The following LRP11 variants were observed in gnomAD, a reference collection of about 807,000 sequenced individuals.
The protein encoded by LRP11 is LDL receptor related protein 11.
In LRP11, 25 loss-of-function variants were observed where a neutral mutation model predicts 43.1. The ratio of observed to expected loss-of-function variants is 0.58; its 90% CI spans 0.42 to 0.81. LRP11 has a LOEUF of 0.81. Among genes scored for constraint, LRP11 ranks in the 30% least tolerant of loss-of-function variants. The pLI, the probability that LRP11 is intolerant of heterozygous loss-of-function variation, is 0.00. For missense variants in LRP11, 623 were observed against 665.1 expected, an observed-to-expected ratio of 0.94 and a Z score of 0.70; for synonymous variants, 316 against 299.4, an observed-to-expected ratio of 1.06 and a Z score of -0.57.
intron 4 of LRP11, among the ~76,000 whole-genome samples, chr6:149,836,834 G>GAAAAA (rs3036662): frequency 3.3e-5 from 5 of 151,020 alleles, no homozygotes; most frequent in African/African-American, 7.3e-5. Flanking sequence ...AGAAAGAAAA[G>GAAAAA]AAAAAAGAAA....
intron 6 of LRP11, among the ~76,000 whole-genome samples, 167 bp from the exon 7 acceptor site, chr6:149,820,870 G>C (rs1464700395): frequency 6.6e-6 from 1 of 150,626 alleles, no homozygotes; most frequent in Non-Finnish European, 1.5e-5. Flanking sequence ...CCAAGGTTAA[G>C]TAATTTGCTT....
intron 2 of LRP11, among the ~76,000 whole-genome samples, chr6:149,844,565 A>C (rs2115395667): frequency 6.6e-6 from 1 of 152,326 alleles, no homozygotes; most frequent in Non-Finnish European, 1.5e-5. Flanking sequence ...CTGTTTTTCC[A>C]GCTCTCCTAA....
chr6:149,836,648 C>T (rs992102543), intron 4 of LRP11, among the ~76,000 whole-genome samples: 10 of 152,036 alleles, frequency 6.6e-5, no homozygotes, highest in Non-Finnish European at 1.5e-4. Flanking sequence ...CCCATCTCTA[C>T]AAAAAATTAA....
At chr6:149,842,902 G>T in intron 3 of LRP11, 81 bp downstream of exon 3, 1 of 1,512,710 alleles carries the variant, frequency 6.6e-7, no homozygotes, top group Non-Finnish European at 9.1e-7. Flanking sequence ...AGCCCATGGA[G>T]CGCAGAGCCA....
At chr6:149,852,175 T>G (rs188846690) in intron 2 of LRP11, among the ~76,000 whole-genome samples, 1 of 152,286 alleles carries the variant, frequency 6.6e-6, no homozygotes, top group East Asian at 1.9e-4. Flanking sequence ...TAATGCAATA[T>G]AATCAGGGAG....
Position 149,864,109 on chromosome 6 carries a change from C to T in LRP11, c.-89G>A. The T allele has an allele frequency of 8.4e-7, 1 of 1,192,952 alleles. No individual in the cohort carries two copies. The highest frequency in any genetic ancestry group is 4.5e-5 in the Admixed American group (1 of 22,066). The allele number at this position is 1,192,952 out of a possible 1,614,324, so 73.9% of individuals were successfully genotyped here. ...GGGCGAGCGCGGGCCCTGGGCCCCT[C>T]CTGCGCGGCCGCGGCTGGCTCTAGG... is the stretch of plus-strand genomic sequence containing the variant. On this transcript the variant is annotated 5_prime_UTR_variant, in exon 1 of 7. Coordinates refer to ENST00000239367, the MANE Select transcript of LRP11 (RefSeq NM_032832.6).
intron 2 of LRP11, among the ~76,000 whole-genome samples, chr6:149,844,465 C>T (rs146718707): frequency 1.6e-4 from 24 of 152,338 alleles, no homozygotes; most frequent in African/African-American, 5.3e-4. Flanking sequence ...CATTCACAGG[C>T]AGCTTGCTGA....
intron 6 of LRP11, among the ~76,000 whole-genome samples, chr6:149,821,519 A>G (rs181757300): frequency 1.3e-5 from 2 of 152,370 alleles, no homozygotes; most frequent in East Asian, 3.8e-4. Context: ...TTGAAAACTA[A>G]CTTCCAAATA....
At position 149,842,723 on chromosome 6, in the gene LRP11, T is replaced by A. The variant is rs1583085756; in HGVS notation, c.913+260A>T. 8 of 1,536,410 alleles carry A rather than the reference T, an allele frequency of 5.2e-6. No individual in the cohort carries two copies. The East Asian group carries it at 2.0e-4, about 38-fold the overall frequency. On this transcript the variant is annotated intron_variant, in intron 3 of 6. Transcript: ENST00000239367. The stretch of plus-strand genomic sequence containing the variant: ...AGAATAGCCAAGCAATTGTCTTTGA[T>A]GAAGTCGAGTCAAGAGAAGCGGGAG...
Position 149,843,200 on chromosome 6 carries a change from T to C in LRP11, c.772-76A>G. 3 of 1,567,228 alleles carry C rather than the reference T, an allele frequency of 1.9e-6. 1 individual carries two copies. The South Asian group carries it at 3.4e-5, about 18-fold the overall frequency. ...GCCCAACACCATCCTCAACCGAAAGTCCATGTCCTCAGAGCAGCCCCAGGA... is the reference window on the plus strand; with the variant it reads ...GCCCAACACCATCCTCAACCGAAAGCCCATGTCCTCAGAGCAGCCCCAGGA... On this transcript the variant is annotated intron_variant, in intron 2 of 6. Transcript: ENST00000239367.
intron 5 of LRP11, among the ~76,000 whole-genome samples, chr6:149,832,957 C>T (rs190032575): frequency 2.6e-4 from 40 of 152,248 alleles, no homozygotes; most frequent in Admixed American, 8.5e-4. Flanking sequence ...CACAGGTGCC[C>T]GCCACCACGT....
Position 149,826,291 on chromosome 6 carries a change from C to G in LRP11, c.1321G>C (p.Gly441Arg). ...YIFESKGDGG[G>R]GEHPAPETGA... ...GTTTCTGGGGCTGGGTGTTCCCCTC[C>G]TCCTCCATCACCCTTTGACTCAAAT... The change falls in exon 6 of 7, where the codon GGA becomes CGA. Residue 441 changes from glycine (G) to arginine (R), a missense_variant. By Grantham distance (125) the Gly-to-Arg change is moderately radical. Coordinates refer to ENST00000239367, the MANE Select transcript of LRP11 (RefSeq NM_032832.6). 3.7e-6 allele frequency: 6 copies of G among 1,613,748 alleles called. No homozygotes were observed. The highest frequency in any genetic ancestry group is 5.1e-6 in the Non-Finnish European group (6 of 1,179,630).
Position 149,838,953 on chromosome 6 carries a change from C to A in LRP11, c.914-1490G>T, listed in dbSNP as rs73779579. 8.0e-3 allele frequency among the ~76,000 whole-genome samples: 1,215 copies of A among 152,140 alleles called. 16 individuals carry two copies. The highest frequency in any genetic ancestry group is 0.028 in the African/African-American group (1,157 of 41,504). ...GACAGAGTGGACTAGACAATTCTCT[C>A]AGGAACATGGGGAAGTGGCAGATTA... On this transcript the variant is annotated intron_variant, in intron 3 of 6. Transcript: ENST00000239367.
In LRP11 at chr6:149,843,034, T is replaced by C; in HGVS notation, c.862A>G (p.Ser288Gly). ...LTVTDTAGQRSSDNVSVTVLR... is the reference protein window; with the variant it reads ...LTVTDTAGQRGSDNVSVTVLR... Reference sequence around the variant, plus strand: ...ACTGTCACTGACACGTTGTCAGAGCTTCTCTGCCCGGCAGTGTCCGTCACG... The same window carrying C: ...ACTGTCACTGACACGTTGTCAGAGCCTCTCTGCCCGGCAGTGTCCGTCACG... The change falls in exon 3 of 7, where the codon AGC becomes GGC. Residue 288 changes from serine to glycine, a missense_variant. By Grantham distance (56) the Ser-to-Gly change is moderately conservative. Transcript: ENST00000239367. The C allele has an allele frequency of 1.2e-6, 2 of 1,614,210 alleles. No homozygotes were observed. The highest frequency in any genetic ancestry group is 1.7e-6 in the Non-Finnish European group (2 of 1,180,024).
chr6:149,836,240 G>A lies in LRP11; in HGVS notation c.1097C>T (p.Thr366Ile), dbSNP rs1267932117. The A allele has an allele frequency of 6.2e-7, 1 of 1,614,194 alleles. No homozygotes were observed. The highest frequency in any genetic ancestry group is 1.3e-5 in the African/African-American group (1 of 75,054). Reference sequence around the variant, plus strand: ...CCCTGCATCTTCACTCGGCCCTGTGGTTCTTGGCAGGGCAGGACTAGCTGC... The same window carrying A: ...CCCTGCATCTTCACTCGGCCCTGTGATTCTTGGCAGGGCAGGACTAGCTGC... ...HTAASPALPRTTGPSEDAGGD... is the reference protein window; with the variant it reads ...HTAASPALPRITGPSEDAGGD... The change falls in exon 5 of 7, where the codon ACC becomes ATC. Residue 366 changes from threonine (T) to isoleucine (I), a missense_variant. By Grantham distance (89) the Thr-to-Ile change is moderately conservative (BLOSUM62 -1). Coordinates refer to ENST00000239367, the MANE Select transcript of LRP11 (RefSeq NM_032832.6).
At chr6:149,853,965 T>G (rs1776761472) in intron 1 of LRP11, among the ~76,000 whole-genome samples, 1 of 152,204 alleles carries the variant, frequency 6.6e-6, no homozygotes. Context: ...AGGCAAATTT[T>G]TAGAGCCATA....
At chr6:149,854,642 G>C (rs1477564535) in intron 1 of LRP11, among the ~76,000 whole-genome samples, 1 of 152,182 alleles carries the variant, frequency 6.6e-6, no homozygotes, top group Non-Finnish European at 1.5e-5. Context: ...AAACTCTACA[G>C]GTTTGTGTAC....
chr6:149,858,069 A>C (rs1776828469), intron 1 of LRP11, among the ~76,000 whole-genome samples: 1 of 152,188 alleles, frequency 6.6e-6, no homozygotes, highest in Non-Finnish European at 1.5e-5. Flanking sequence ...TTATTATTAT[A>C]CTTAAAAGTT....
At chr6:149,839,430 G>C (rs1399947476) in intron 3 of LRP11, among the ~76,000 whole-genome samples, 1 of 152,152 alleles carries the variant, frequency 6.6e-6, no homozygotes, top group Non-Finnish European at 1.5e-5. Context: ...GAGCGGAGGT[G>C]GGGGACACGC....
Sources: gnomAD v4.1 joint callset for allele counts (sites outside exome capture counted in the v4.1 genomes callset) on GRCh38, gnomAD v4.1.1 for gene constraint, MANE v1.5 for transcripts, NCBI Gene and HGNC (gene_info 2026-07-23, HGNC 2026-07-21) for gene names.